SRGAP2C: variants seen among roughly 807,000 people sequenced by gnomAD.
SRGAP2C encodes SLIT-ROBO Rho GTPase-activating protein 2C.
A neutral mutation model predicts 25.1 loss-of-function variants in SRGAP2C; 15 were observed. The observed-to-expected ratio is 0.60, with a 90% CI of 0.40 to 0.92. SRGAP2C has a LOEUF of 0.92. Among genes scored for constraint, SRGAP2C ranks in the 40% least tolerant of loss-of-function variants. The pLI, the probability that SRGAP2C is intolerant of heterozygous loss-of-function variation, is 0.00. For missense variants in SRGAP2C, 144 were observed against 264.4 expected, an observed-to-expected ratio of 0.54 and a Z score of 3.16; for synonymous variants, 44 against 96.6, an observed-to-expected ratio of 0.46 and a Z score of 3.19.
chr1:121,348,771 T>C (rs1291470775), intron 4 of SRGAP2C, among the ~76,000 whole-genome samples: 2 of 143,174 alleles, frequency 1.4e-5, no homozygotes, highest in African/African-American at 5.2e-5. Context: ...ATAGTTGTTC[T>C]CATGGACAAA....
At chr1:121,331,119 G>C (rs1176737824) in intron 4 of SRGAP2C, among the ~76,000 whole-genome samples, 1 of 34,258 alleles carries the variant, frequency 2.9e-5, no homozygotes, top group Non-Finnish European at 4.4e-5. Context: ...TAAAGCTTTT[G>C]TGATAGGCTG....
Position 121,230,594 on chromosome 1 carries a change from G to A in SRGAP2C, c.67+43081G>A, listed in dbSNP as rs587691730. Among the ~76,000 whole-genome samples, 374 of 147,876 alleles carry A rather than the reference G, an allele frequency of 2.5e-3. 2 individuals carry two copies. The highest frequency in any genetic ancestry group is 8.9e-3 in the African/African-American group (354 of 39,560). Reference sequence around the variant, plus strand: ...CCCTGTCCTGTCTCAGGGCCCTGCTGTTCCCTCTGCCTGGAACATTCTTCC... The same window carrying A: ...CCCTGTCCTGTCTCAGGGCCCTGCTATTCCCTCTGCCTGGAACATTCTTCC... On this transcript the variant is annotated intron_variant, in intron 2 of 9. Coordinates refer to ENST00000367123, the MANE Select transcript of SRGAP2C (RefSeq NM_001329984.2).
intron 3 of SRGAP2C, 148 bp downstream of exon 3, chr1:121,285,143 A>G (rs1417476213): frequency 3.9e-5 from 19 of 492,328 alleles, no homozygotes; most frequent in Middle Eastern, 5.2e-4. Flanking sequence ...CTCATTTTCC[A>G]GATCAGTCTT....
intron 2 of SRGAP2C, among the ~76,000 whole-genome samples, chr1:121,271,091 C>T (rs1348364144): frequency 1.1e-4 from 17 of 151,664 alleles, no homozygotes; most frequent in African/African-American, 3.6e-4. Flanking sequence ...GCCACCGCGC[C>T]CAGCTGGACT....
chr1:121,347,589 T>C (rs1428580288), intron 4 of SRGAP2C, among the ~76,000 whole-genome samples: 1 of 152,160 alleles, frequency 6.6e-6, no homozygotes, highest in Non-Finnish European at 1.5e-5. Flanking sequence ...CCATCTCAAC[T>C]TGCTGGTTTT....
intron 4 of SRGAP2C, among the ~76,000 whole-genome samples, chr1:121,332,107 A>T (rs1399879672): frequency 1.9e-5 from 2 of 108,066 alleles, no homozygotes; most frequent in Non-Finnish European, 3.7e-5. Context: ...TATGTAAATT[A>T]TGCCTCAATA....
chr1:121,343,463 AT>A (rs1658676798), intron 4 of SRGAP2C, among the ~76,000 whole-genome samples: 1 of 147,520 alleles, frequency 6.8e-6, no homozygotes, highest in Non-Finnish European at 1.5e-5. Flanking sequence ...GACACACTGG[AT>A]GGGCTTCCTA....
chr1:121,332,041 G>T (rs1658444626), intron 4 of SRGAP2C, among the ~76,000 whole-genome samples: 1 of 104,178 alleles, frequency 9.6e-6, no homozygotes, highest in African/African-American at 3.8e-5. Context: ...TCTTGACCAT[G>T]GTGGTACATT....
intron 3 of SRGAP2C, among the ~76,000 whole-genome samples, chr1:121,302,055 C>A (rs2101586160): frequency 6.6e-6 from 1 of 152,142 alleles, no homozygotes; most frequent in East Asian, 1.9e-4. Flanking sequence ...TATGAGCCAC[C>A]CTGTTAGTCA....
intron 5 of SRGAP2C, among the ~76,000 whole-genome samples, chr1:121,370,985 ATTATT>A (rs1182800952): frequency 1.3e-5 from 2 of 151,138 alleles, no homozygotes; most frequent in Non-Finnish European, 2.9e-5. Flanking sequence ...TTTTTTTCCT[ATTATT>A]TTAGTGTGGC....
At chr1:121,225,651 A>G (rs1655647555) in intron 2 of SRGAP2C, among the ~76,000 whole-genome samples, 1 of 144,506 alleles carries the variant, frequency 6.9e-6, no homozygotes, top group African/African-American at 2.6e-5. Flanking sequence ...AGTATTATAC[A>G]TCCAGCCCTT....
At chr1:121,231,632 A>T (rs1230363789) in intron 2 of SRGAP2C, among the ~76,000 whole-genome samples, 2 of 151,846 alleles carry the variant, frequency 1.3e-5, no homozygotes, top group African/African-American at 4.9e-5. Context: ...AGATGTTATG[A>T]TTGGAAGGGA....
intron 2 of SRGAP2C, among the ~76,000 whole-genome samples, chr1:121,259,617 G>A (rs1558097720): frequency 6.6e-6 from 1 of 151,550 alleles, no homozygotes; most frequent in African/African-American, 2.4e-5. Flanking sequence ...GGTATTTTTT[G>A]ATGATCATGT....
intron 4 of SRGAP2C, among the ~76,000 whole-genome samples, chr1:121,326,208 TTCC>T (rs1169559083): frequency 1.2e-5 from 1 of 86,628 alleles, no homozygotes; most frequent in Non-Finnish European, 2.3e-5. Flanking sequence ...GACTGATAGT[TTCC>T]TCCTCCGTTT....
chr1:121,292,736 A>C (rs1279506914), intron 3 of SRGAP2C, among the ~76,000 whole-genome samples: 1 of 77,444 alleles, frequency 1.3e-5, no homozygotes, highest in Non-Finnish European at 2.5e-5. Context: ...TTAAAGGTGC[A>C]CTCTGGAAGT....
At position 121,372,177 on chromosome 1, in the gene SRGAP2C, A is replaced by T. The variant is rs587706798; in HGVS notation, c.487-1794A>T. The stretch of plus-strand genomic sequence containing the variant: ...CAAAATGAGACATAATTTAGACTCT[A>T]ATGTACTTTGATTTTGTCAGTGTCC... On this transcript the variant is annotated intron_variant, in intron 5 of 9. Coordinates refer to ENST00000367123, the MANE Select transcript of SRGAP2C (RefSeq NM_001329984.2). Among the ~76,000 whole-genome samples the T allele has an allele frequency of 2.0e-5, 3 of 151,838 alleles. No individual in the cohort carries two copies. The South Asian group carries it at 6.3e-4, about 32-fold the overall frequency.
At chr1:121,259,843 CTTTTT>C (rs782529398) in intron 2 of SRGAP2C, among the ~76,000 whole-genome samples, 4 of 107,736 alleles carry the variant, frequency 3.7e-5, no homozygotes, top group African/African-American at 7.2e-5. Flanking sequence ...TCTTCTTCTA[CTTTTT>C]TTTTTTTTTT....
intron 3 of SRGAP2C, among the ~76,000 whole-genome samples, chr1:121,291,183 G>A (rs1570765007): frequency 2.4e-5 from 3 of 126,284 alleles, no homozygotes; most frequent in African/African-American, 8.9e-5. Flanking sequence ...AAACTAAATA[G>A]GACTGGATAA....
intron 2 of SRGAP2C, among the ~76,000 whole-genome samples, chr1:121,241,192 G>A (rs1288112141): frequency 1.4e-4 from 7 of 49,344 alleles, no homozygotes; most frequent in Non-Finnish European, 2.2e-4. Context: ...GTTAGAGCAA[G>A]AACTCTCTGA....
Sources: allele counts gnomAD v4.1 joint callset (sites outside exome capture counted in the v4.1 genomes callset), GRCh38; gene constraint gnomAD v4.1.1; transcripts MANE v1.5; gene names NCBI Gene and HGNC (gene_info 2026-07-23, HGNC 2026-07-21).